The following XK variants were observed in gnomAD, a reference collection of about 807,000 sequenced individuals.
The protein encoded by XK is X-linked Kx blood group antigen, Kell and VPS13A binding protein, also known as endoplasmic reticulum membrane adapter protein XK.
A neutral mutation model predicts 14.0 loss-of-function variants in XK; 2 were observed. The observed-to-expected ratio is 0.14, with a 90% CI of 0.06 to 0.45. The LOEUF is 0.45. Among genes scored for constraint, XK ranks in the 20% least tolerant of loss-of-function variants. XK has a pLI of 0.98. For missense variants in XK, 235 were observed against 341.5 expected (o/e 0.69, Z 2.46); for synonymous variants, 149 against 147.5 (o/e 1.01, Z -0.08).
intron 1 of XK, among the ~76,000 whole-genome samples, chrX:37,688,420 T>C (rs1927141219): frequency 9.0e-6 from 1 of 110,779 alleles, no homozygotes; most frequent in Non-Finnish European, 1.9e-5. Flanking sequence ...TTAAGTGGAG[T>C]AACAGGAAAA....
chrX:37,686,314 G>A lies in XK; in HGVS notation c.245+108G>A, dbSNP rs1406965778. 12 of 1,138,802 alleles carry A rather than the reference G, an allele frequency of 1.1e-5. No individual in the cohort carries two copies. In the African/African-American group the frequency reaches 2.2e-4, roughly 20 times the overall value. 93.9% of individuals were successfully genotyped at this position (1,138,802 alleles called of 1,213,427 possible). A position where few individuals can be genotyped will look rare whatever the true frequency, so the allele number is the denominator to read the frequency against. ...GGCGGTTTTCCTGTGGAGACAGGTG[G>A]CTGAGCCCCAAGCCGGTCCGCCATG... On this transcript the variant is annotated intron_variant, in intron 1 of 2. Coordinates refer to ENST00000378616, the MANE Select transcript of XK (RefSeq NM_021083.4).
chrX:37,686,222 C>T lies in XK; in HGVS notation c.245+16C>T. ...CCCTTTTCAGGTGCGTGCAGAAGCC[C>T]AGAGCCAGCCCCAGGCCGCAGCCTC... On this transcript the variant is annotated intron_variant, in intron 1 of 2. Coordinates refer to ENST00000378616, the MANE Select transcript of XK (RefSeq NM_021083.4). 8.3e-7 allele frequency: 1 copy of T among 1,204,142 alleles called. No individual in the cohort carries two copies. Among genetic ancestry groups the T allele is most frequent in the Non-Finnish European group, 1.1e-6 (1 of 894,025 alleles).
chrX:37,704,678 A>C (rs1402925067), intron 2 of XK, among the ~76,000 whole-genome samples: 1 of 111,826 alleles, frequency 8.9e-6, no homozygotes, highest in African/African-American at 3.3e-5. Context: ...TCTACTAAAA[A>C]TACAAAATTA....
chrX:37,714,868 G>A (rs1556447463), intron 2 of XK, among the ~76,000 whole-genome samples: 1 of 111,246 alleles, frequency 9.0e-6, no homozygotes, highest in Non-Finnish European at 1.9e-5. Flanking sequence ...TGGAAAGGGG[G>A]TGAGAGGTCT....
intron 2 of XK, among the ~76,000 whole-genome samples, chrX:37,717,323 C>T (rs1243610505): frequency 8.9e-6 from 1 of 111,801 alleles, no homozygotes; most frequent in Non-Finnish European, 1.9e-5. Context: ...GGTTGGAATT[C>T]CTGCTCTGTT....
chrX:37,701,074 TA>T (rs1201777983), intron 2 of XK, among the ~76,000 whole-genome samples: 1 of 112,215 alleles, frequency 8.9e-6, no homozygotes. Context: ...TGGACACTGT[TA>T]AATTAAGTAG....
At chrX:37,716,114 T>A (rs1927761704) in intron 2 of XK, among the ~76,000 whole-genome samples, 1 of 112,156 alleles carries the variant, frequency 8.9e-6, no homozygotes, top group Non-Finnish European at 1.9e-5. Flanking sequence ...ATATAGCTAT[T>A]TGAATAATCC....
intron 2 of XK, among the ~76,000 whole-genome samples, chrX:37,708,457 G>C (rs1177433989): frequency 8.9e-6 from 1 of 111,873 alleles, no homozygotes; most frequent in Non-Finnish European, 1.9e-5. Flanking sequence ...CTTGACTTCA[G>C]CCCAGCCAAA....
rs781824209 is a variant in XK, at chrX:37,686,016, A to G, written c.55A>G (p.Thr19Ala). The part of the protein sequence containing the change: ...ASVFLFVAET[T>A]AALSLSSTYR... Reference sequence around the variant, plus strand: ...CGTGTTCCTGTTCGTGGCCGAGACAACGGCGGCGCTCAGCCTGAGCAGCAC... The same window carrying G: ...CGTGTTCCTGTTCGTGGCCGAGACAGCGGCGGCGCTCAGCCTGAGCAGCAC... Residue 19 changes from threonine to alanine, a missense_variant, in exon 1 of 3, where the codon ACG (threonine) becomes GCG (alanine). Thr to Ala is a moderately conservative substitution (Grantham distance 58). Coordinates refer to ENST00000378616, the MANE Select transcript of XK (RefSeq NM_021083.4). The G allele has an allele frequency of 2.5e-6, 3 of 1,208,075 alleles. No individual in the cohort carries two copies. The highest frequency in any genetic ancestry group is 3.4e-6 in the Non-Finnish European group (3 of 894,137).
intron 2 of XK, among the ~76,000 whole-genome samples, chrX:37,716,294 T>G (rs59525620): frequency 2.6e-3 from 295 of 112,042 alleles, no homozygotes; most frequent in African/African-American, 9.0e-3. Flanking sequence ...ATCCTACCTG[T>G]TTCTAAAAGG....
At chrX:37,715,212 A>ATTT (rs1252998048) in intron 2 of XK, among the ~76,000 whole-genome samples, 2 of 110,038 alleles carry the variant, frequency 1.8e-5, no homozygotes, top group Admixed American at 1.9e-4. Context: ...TTAGATATAT[A>ATTT]TTTTTTTCCT....
chrX:37,713,782 C>T (rs1410151398), intron 2 of XK, among the ~76,000 whole-genome samples: 3 of 111,513 alleles, frequency 2.7e-5, no homozygotes, highest in African/African-American at 9.8e-5. Flanking sequence ...AGACCAGCTT[C>T]ATCCTCTTAA....
intron 1 of XK, among the ~76,000 whole-genome samples, chrX:37,692,968 C>G (rs782740328): frequency 1.8e-4 from 20 of 110,415 alleles, no homozygotes; most frequent in South Asian, 3.9e-4. Context: ...ATCAACCCCC[C>G]CCCACACACA....
At chrX:37,704,487 C>T (rs782191552) in intron 2 of XK, among the ~76,000 whole-genome samples, 78 of 110,956 alleles carry the variant, frequency 7.0e-4, no homozygotes, top group African/African-American at 2.4e-3. Flanking sequence ...CAGTGAGCTA[C>T]GATTGCACCA....
chrX:37,686,309 A>G, intron 1 of XK, 103 bp downstream of exon 1: 1 of 1,144,746 alleles, frequency 8.7e-7, no homozygotes, highest in Non-Finnish European at 1.2e-6. Context: ...CTGTGGAGAC[A>G]GGTGGCTGAG....
chrX:37,688,027 A>ATTTCTTTCTTTCTTTCTTTC (rs61667945), intron 1 of XK, among the ~76,000 whole-genome samples: 2 of 77,287 alleles, frequency 2.6e-5, no homozygotes, highest in African/African-American at 1.0e-4. Flanking sequence ...GGCACTTATC[A>ATTTCTTTCTTTCTTTCTTTC]TTTCTTTCTT....
intron 1 of XK, among the ~76,000 whole-genome samples, chrX:37,687,417 G>A (rs1489414688): frequency 1.8e-5 from 2 of 110,034 alleles, no homozygotes; most frequent in African/African-American, 6.6e-5. Flanking sequence ...GCAGGCAAGC[G>A]CCATCATGCC....
intron 1 of XK, among the ~76,000 whole-genome samples, chrX:37,686,736 T>C (rs1927085020): frequency 8.9e-6 from 1 of 111,749 alleles, no homozygotes; most frequent in Non-Finnish European, 1.9e-5. Context: ...TTCTTTTCTC[T>C]TGGTGGCGTT....
At chrX:37,710,450 T>C (rs1164823382) in intron 2 of XK, among the ~76,000 whole-genome samples, 1 of 111,767 alleles carries the variant, frequency 8.9e-6, no homozygotes, top group Non-Finnish European at 1.9e-5. Flanking sequence ...AAGGGTAAAA[T>C]TATGTTGCTC....
Sources: gnomAD v4.1 joint callset for allele counts (sites outside exome capture counted in the v4.1 genomes callset) on GRCh38, gnomAD v4.1.1 for gene constraint, MANE v1.5 for transcripts, NCBI Gene and HGNC (gene_info 2026-07-23, HGNC 2026-07-21) for gene names.